Variants in RUNX1 observed in about 807,000 individuals in gnomAD.
The protein encoded by RUNX1 is runt-related transcription factor 1.
A neutral mutation model predicts 42.8 loss-of-function variants in RUNX1; 19 were observed. That is an observed-to-expected ratio of 0.44 (90% CI 0.31 to 0.65). The LOEUF is 0.65. RUNX1 is among the 30% of genes least tolerant of loss of function. The pLI, the probability that RUNX1 is intolerant of heterozygous loss-of-function variation, is 0.07. For synonymous variants in RUNX1, 271 were observed against 289.4 expected, an observed-to-expected ratio of 0.94 and a Z score of 0.64; for missense variants, 528 against 672.0, an observed-to-expected ratio of 0.79 and a Z score of 2.37.
intron 6 of RUNX1, among the ~76,000 whole-genome samples, chr21:34,839,027 C>A (rs1450680997): frequency 1.3e-5 from 2 of 152,058 alleles, no homozygotes; most frequent in Non-Finnish European, 2.9e-5. Context: ...GGTAGCCTCA[C>A]TTTCCCCCAC....
chr21:34,932,189 T>C (rs2058452442), intron 2 of RUNX1, among the ~76,000 whole-genome samples: 1 of 152,188 alleles, frequency 6.6e-6, no homozygotes, highest in Non-Finnish European at 1.5e-5. Flanking sequence ...TTTTTATCTG[T>C]TTTCATGTAG....
At chr21:34,952,566 A>G (rs1438092568) in intron 2 of RUNX1, among the ~76,000 whole-genome samples, 1 of 152,098 alleles carries the variant, frequency 6.6e-6, no homozygotes, top group Non-Finnish European at 1.5e-5. Context: ...GTGAATTTAT[A>G]TTTAAGTTTG....
At chr21:34,931,251 C>G (rs1051788624) in intron 2 of RUNX1, among the ~76,000 whole-genome samples, 2 of 151,048 alleles carry the variant, frequency 1.3e-5, no homozygotes, top group Non-Finnish European at 2.9e-5. Flanking sequence ...TTTTTCTAAG[C>G]GTCTGGAAGG....
At position 34,843,656 on chromosome 21, in the gene RUNX1, G is replaced by A. The variant is rs571582323; in HGVS notation, c.614-9055C>T. On this transcript the variant is annotated intron_variant, in intron 6 of 8. Transcript: ENST00000675419. The surrounding 1 kb of genome is among the most constrained non-coding windows in gnomAD (Gnocchi z 4.8). ...ACCAATACAACTTCAAGCCAGAGAC[G>A]CACACAGGCCTGCCCCTCCCCAGCC... Among the ~76,000 whole-genome samples the A allele has an allele frequency of 5.9e-5, 9 of 152,178 alleles. No homozygotes were observed. The highest frequency in any genetic ancestry group is 3.9e-4 in the East Asian group (2 of 5,170).
At chr21:34,837,566 T>C (rs1440620763) in intron 6 of RUNX1, among the ~76,000 whole-genome samples, 1 of 152,268 alleles carries the variant, frequency 6.6e-6, no homozygotes, top group Non-Finnish European at 1.5e-5. Context: ...TTCAGTTTCC[T>C]GTATCTGTGT....
At chr21:34,876,429 C>T (rs1263255700) in intron 5 of RUNX1, among the ~76,000 whole-genome samples, 1 of 152,184 alleles carries the variant, frequency 6.6e-6, no homozygotes, top group East Asian at 1.9e-4. Flanking sequence ...TAAGCTGGCC[C>T]TCCATGATCA....
At chr21:34,858,344 T>C (rs1268971289) in intron 6 of RUNX1, among the ~76,000 whole-genome samples, 1 of 152,188 alleles carries the variant, frequency 6.6e-6, no homozygotes, top group Non-Finnish European at 1.5e-5. Context: ...TAGCCAGGGA[T>C]GAAAGCAGGG....
At chr21:34,976,450 A>G (rs1304690996) in intron 2 of RUNX1, among the ~76,000 whole-genome samples, 1 of 152,228 alleles carries the variant, frequency 6.6e-6, no homozygotes, top group Non-Finnish European at 1.5e-5. Flanking sequence ...GAGGTCCACA[A>G]GTCATTATAA....
Position 34,792,326 on chromosome 21 carries a change from TGGA to T in RUNX1, c.1249_1251del (p.Ser417del). 7.6e-7 allele frequency: 1 copy of T among 1,323,786 alleles called. No individual in the cohort carries two copies. The highest frequency in any genetic ancestry group is 1.0e-6 in the Non-Finnish European group (1 of 991,082). 82.0% of individuals were successfully genotyped at this position (1,323,786 alleles called of 1,614,324 possible). A position where few individuals can be genotyped will look rare whatever the true frequency, so the allele number is the denominator to read the frequency against. On this transcript the variant is annotated inframe_deletion, in exon 9 of 9. Transcript: ENST00000675419. This position sits in a 1 kb window ranked among gnomAD's most constrained non-coding sequence, Gnocchi z 6.9. ...GGCGGCGAGCGCTCGCCGCCCACCA[TGGA>T]GAACTGGTAGGAGCCGGCCGAGGCG...
intron 1 of RUNX1, 62 bp downstream of exon 1, chr21:35,049,106 G>A: frequency 4.4e-6 from 2 of 453,232 alleles, no homozygotes; most frequent in Non-Finnish European, 8.0e-6. Flanking sequence ...TATTCAAATT[G>A]TTAAAGATTA....
At chr21:34,915,296 TTAA>T (rs1314079818) in intron 2 of RUNX1, among the ~76,000 whole-genome samples, 1 of 152,222 alleles carries the variant, frequency 6.6e-6, no homozygotes, top group East Asian at 1.9e-4. Context: ...AAGGGAAGAA[TTAA>T]TGACTATGTG....
rs140890516 is a variant in RUNX1 at position 34,929,846 on chromosome 21, G to A, written c.59-36883C>T. ...CTTATGTTACAGTGAGCTCTTCAGA[G>A]CTCCTGAAGCTGCCATCCAGGTATT... On this transcript the variant is annotated intron_variant, in intron 2 of 8. Coordinates refer to ENST00000675419, the MANE Select transcript of RUNX1 (RefSeq NM_001754.5). Among the ~76,000 whole-genome samples the A allele has an allele frequency of 5.0e-3, 768 of 152,182 alleles. 6 individuals are homozygous for A. The highest frequency in any genetic ancestry group is 0.018 in the African/African-American group (736 of 41,526).
chr21:34,861,904 G>A (rs780264993), intron 5 of RUNX1, among the ~76,000 whole-genome samples: 99 of 152,146 alleles, frequency 6.5e-4, no homozygotes, highest in Non-Finnish European at 1.2e-3. Context: ...TGCAGTTTGC[G>A]GCTGTGTAGA....
chr21:34,836,143 T>C (rs527493168), intron 6 of RUNX1, among the ~76,000 whole-genome samples: 4 of 152,352 alleles, frequency 2.6e-5, no homozygotes, highest in Admixed American at 2.0e-4. Flanking sequence ...TCAAATGCAA[T>C]GGCCCCTCTT....
chr21:35,035,444 C>A (rs911854367), intron 2 of RUNX1, among the ~76,000 whole-genome samples: 1 of 152,210 alleles, frequency 6.6e-6, no homozygotes, highest in Admixed American at 6.5e-5. Flanking sequence ...TGGACTCCAA[C>A]CGAGTTCTGC....
chr21:34,980,207 A>C (rs2058837095), intron 2 of RUNX1, among the ~76,000 whole-genome samples: 1 of 152,224 alleles, frequency 6.6e-6, no homozygotes. Flanking sequence ...TAAACAGTGG[A>C]CGAAGTTCTC....
At chr21:34,891,116 G>C (rs1021112897) in intron 3 of RUNX1, among the ~76,000 whole-genome samples, 1 of 152,204 alleles carries the variant, frequency 6.6e-6, no homozygotes, top group African/African-American at 2.4e-5. Flanking sequence ...CCCCGCGACG[G>C]GGGCTGCGAG....
chr21:34,909,199 C>T (rs748315219), intron 2 of RUNX1, among the ~76,000 whole-genome samples: 11 of 152,076 alleles, frequency 7.2e-5, no homozygotes, highest in Non-Finnish European at 1.2e-4. Context: ...TGTTCACTCC[C>T]GTGTGCAGTC....
At chr21:34,824,096 A>G (rs1442890097) in intron 7 of RUNX1, among the ~76,000 whole-genome samples, 1 of 152,154 alleles carries the variant, frequency 6.6e-6, no homozygotes, top group Non-Finnish European at 1.5e-5. Flanking sequence ...AATCTTTCCT[A>G]TCCATGATTC....
Sources: gnomAD v4.1 joint callset for allele counts (sites outside exome capture counted in the v4.1 genomes callset) on GRCh38, gnomAD v4.1.1 for gene constraint, Gnocchi (gnomAD v3.1) non-coding constraint, MANE v1.5 for transcripts, NCBI Gene and HGNC (gene_info 2026-07-23, HGNC 2026-07-21) for gene names.